The following ZNF185 variants were observed in gnomAD, a reference collection of about 807,000 sequenced individuals.
The protein encoded by ZNF185 is zinc finger protein 185.
In ZNF185, 56 loss-of-function variants were observed where a neutral mutation model predicts 58.6. That is an observed-to-expected ratio of 0.95 (90% CI 0.77 to 1.19). ZNF185 has a LOEUF of 1.19. Ranked by LOEUF, ZNF185 falls within the 50% of genes most tolerant of loss-of-function variation. ZNF185 has a pLI of 0.00. For synonymous variants in ZNF185, 230 were observed against 215.9 expected (o/e 1.07, Z -0.57); for missense variants, 627 against 573.5 (o/e 1.09, Z -0.95).
rs34933153 is a variant in ZNF185 at position 152,952,831 on chromosome X, CTTTTTTTT to C, written c.1410-6858_1410-6851del. Among the ~76,000 whole-genome samples, 4 of 93,608 alleles carry C rather than the reference CTTTTTTTT, an allele frequency of 4.3e-5. No individual in the cohort carries two copies. In the East Asian group the frequency reaches 1.3e-3, roughly 31 times the overall value. The allele number at this position is 93,608 out of a possible 115,157, so 81.3% of individuals were successfully genotyped here. A position where few individuals can be genotyped will look rare whatever the true frequency, so the allele number is the denominator to read the frequency against. ...AGTTCCAAATTACCCTTCGTGATTACTTTTTTTTTTTTTTTTTGCCAGTTTTGGAAATA... is the reference window on the plus strand; with the variant it reads ...AGTTCCAAATTACCCTTCGTGATTACTTTTTTTTTGCCAGTTTTGGAAATA... On this transcript the variant is annotated intron_variant, in intron 16 of 22. Coordinates refer to ENST00000449285, the Ensembl canonical transcript of ZNF185.
chrX:152,915,063 C>T (rs1418003674), intron 2 of ZNF185, 75 bp from the exon 4 acceptor site: 15 of 1,128,432 alleles, frequency 1.3e-5, no homozygotes, highest in Non-Finnish European at 1.7e-5. Flanking sequence ...TGGGCAGCCT[C>T]TAGGATGGAG....
intron 15 of ZNF185, chrX:152,941,577 C>G (rs2047188045): frequency 9.7e-7 from 1 of 1,031,986 alleles, no homozygotes; most frequent in Non-Finnish European, 1.3e-6. Flanking sequence ...CCAGCGTACG[C>G]GACGCGTGCG....
exon 23 of ZNF185, chrX:152,971,483 C>T (rs1603339042): frequency 1.8e-5 from 2 of 112,150 alleles, no homozygotes; most frequent in East Asian, 2.8e-4. Flanking sequence ...TGTGTAGCTT[C>T]TTGTAGCTTA....
chrX:152,965,417 C>T (rs2050004628), intron 18 of ZNF185, 30 bp from the exon 21 acceptor site: 1 of 1,150,439 alleles, frequency 8.7e-7, no homozygotes, highest in Non-Finnish European at 1.2e-6. Context: ...TTCTGGTGTA[C>T]CTCTGATTTC....
At chrX:152,918,709 T>A (rs1400227760) in intron 6 of ZNF185, among the ~76,000 whole-genome samples, 1 of 111,888 alleles carries the variant, frequency 8.9e-6, no homozygotes, top group Non-Finnish European at 1.9e-5. Flanking sequence ...AGGTGTGAAT[T>A]GTGTCTCTAG....
intron 11 of ZNF185, among the ~76,000 whole-genome samples, chrX:152,926,474 T>C (rs1418900353): frequency 8.9e-6 from 1 of 112,517 alleles, no homozygotes; most frequent in Admixed American, 9.4e-5. Flanking sequence ...AAAGGAGGTA[T>C]CCCCTCGCCC....
chrX:152,898,774 G>A, the ZNF185 span, among the ~76,000 whole-genome samples: 1 of 112,618 alleles, frequency 8.9e-6, no homozygotes, highest in African/African-American at 3.2e-5. Flanking sequence ...AGAAGGCGCC[G>A]AATCAGGTGT....
At chrX:152,938,886 G>GC (rs1210746258) in intron 15 of ZNF185, among the ~76,000 whole-genome samples, 1 of 95,234 alleles carries the variant, frequency 1.1e-5, no homozygotes, top group African/African-American at 5.1e-5. Flanking sequence ...GGTGGAAAAG[G>GC]CAACTCAGGC....
chrX:152,919,025 C>CGAGGAGGAG, exon 7 of ZNF185: 1 of 1,204,550 alleles, frequency 8.3e-7, no homozygotes, highest in Middle Eastern at 2.3e-4. Context: ...CAGGGGACAC[C>CGAGGAGGAG]GAGGAGGAGG....
At chrX:152,915,048 C>T in intron 2 of ZNF185, 90 bp from the exon 4 acceptor site, 1 of 1,082,872 alleles carries the variant, frequency 9.2e-7, no homozygotes, top group Non-Finnish European at 1.2e-6. Flanking sequence ...AATGGCAGGA[C>T]TTGCTGGGCA....
At chrX:152,905,313 G>A in the ZNF185 span, among the ~76,000 whole-genome samples, 1 of 112,065 alleles carries the variant, frequency 8.9e-6, no homozygotes, top group African/African-American at 3.2e-5. Context: ...AGAATGGGCT[G>A]GGAGAAGCCA....
At chrX:152,957,318 A>AT (rs2048949863) in intron 16 of ZNF185, among the ~76,000 whole-genome samples, 1 of 109,418 alleles carries the variant, frequency 9.1e-6, no homozygotes. Flanking sequence ...TCAAAGGAAA[A>AT]TTTAAGACAG....
chrX:152,901,936 G>T, the ZNF185 span, among the ~76,000 whole-genome samples: 2 of 111,993 alleles, frequency 1.8e-5, no homozygotes, highest in East Asian at 5.6e-4. Context: ...TTTGACTGCC[G>T]AAGGGTCCCA....
chrX:152,935,447 A>G (rs2046173273), intron 14 of ZNF185, among the ~76,000 whole-genome samples: 1 of 108,667 alleles, frequency 9.2e-6, no homozygotes, highest in African/African-American at 3.4e-5. Context: ...CGTGTTAGCC[A>G]GGATGGTCTC....
At chrX:152,954,970 G>A (rs887054309) in intron 16 of ZNF185, among the ~76,000 whole-genome samples, 1 of 111,250 alleles carries the variant, frequency 9.0e-6, no homozygotes, top group African/African-American at 3.3e-5. Flanking sequence ...AAAAGGTGGA[G>A]GGGGGGAAAT....
At chrX:152,934,037 G>A (rs2045991099) in intron 14 of ZNF185, among the ~76,000 whole-genome samples, 1 of 112,807 alleles carries the variant, frequency 8.9e-6, no homozygotes, top group South Asian at 3.7e-4. Flanking sequence ...GCCACTAATG[G>A]GGAGGACTCC....
upstream of ZNF185, among the ~76,000 whole-genome samples, chrX:152,909,597 C>T (rs1369501428): frequency 8.9e-6 from 1 of 112,594 alleles, no homozygotes; most frequent in Non-Finnish European, 1.9e-5. Context: ...GGGGTGCCAC[C>T]GCCACTGCCA....
intron 13 of ZNF185, among the ~76,000 whole-genome samples, chrX:152,932,179 A>G (rs1189069501): frequency 4.4e-5 from 5 of 112,586 alleles, no homozygotes; most frequent in African/African-American, 1.6e-4. Flanking sequence ...AAGGCCACCA[A>G]GCTGGCAGTC....
At chrX:152,971,570 T>G (rs896222458) in exon 23 of ZNF185, 18 of 112,066 alleles carry the variant, frequency 1.6e-4, no homozygotes, top group African/African-American at 5.5e-4. Context: ...TTGGCTTCCC[T>G]AAGACAGATT....
Sources: gnomAD v4.1 joint callset for allele counts (sites outside exome capture counted in the v4.1 genomes callset) on GRCh38, gnomAD v4.1.1 for gene constraint, MANE v1.5 for transcripts, NCBI Gene and HGNC (gene_info 2026-07-23, HGNC 2026-07-21) for gene names.